The following SNTG1 variants were observed in gnomAD, a reference collection of about 807,000 sequenced individuals.
SNTG1 encodes gamma-1-syntrophin.
Under a neutral mutation model 74.7 loss-of-function variants are expected in SNTG1, and 39 were observed. The ratio of observed to expected loss-of-function variants is 0.52; its 90% CI spans 0.40 to 0.68. SNTG1 has a LOEUF of 0.68. Ranked by LOEUF, SNTG1 falls within the 30% of genes least tolerant of loss-of-function variation. The pLI, the probability that SNTG1 is intolerant of heterozygous loss-of-function variation, is 0.00. For missense variants in SNTG1, 685 were observed against 609.5 expected, an observed-to-expected ratio of 1.12 and a Z score of -1.30; for synonymous variants, 254 against 217.1, an observed-to-expected ratio of 1.17 and a Z score of -1.49.
At chr8:50,272,713 A>G (rs549310750) in intron 2 of SNTG1, among the ~76,000 whole-genome samples, 1 of 152,262 alleles carries the variant, frequency 6.6e-6, no homozygotes, top group South Asian at 2.1e-4. Context: ...ACGATGTATC[A>G]TTTATATCAT....
Position 50,061,863 on chromosome 8 carries a change from T to C in SNTG1, c.-102-110698T>C, listed in dbSNP as rs567886533. Among the ~76,000 whole-genome samples the C allele has an allele frequency of 4.6e-5, 7 of 152,316 alleles. No individual in the cohort carries two copies. In the South Asian group the frequency reaches 1.4e-3, roughly 32 times the overall value. ...ATTCTTTCAAATTTGTTGAGATTTATTTCACGGCTGTGGATGTGGTCATTC... is the reference window on the plus strand; with the variant it reads ...ATTCTTTCAAATTTGTTGAGATTTACTTCACGGCTGTGGATGTGGTCATTC... On this transcript the variant is annotated intron_variant, in intron 1 of 18. Transcript: ENST00000642720.
rs188375225 is a variant in SNTG1, at chr8:50,510,998, C to A, written c.466+8118C>A. The stretch of plus-strand genomic sequence containing the variant: ...TCTCTGGCTTCTCTATTTCTTTTAA[C>A]TGTGATGTTAGGGTGTCAATTTTAG... On this transcript the variant is annotated intron_variant, in intron 9 of 18. Coordinates refer to ENST00000642720, the MANE Select transcript of SNTG1 (RefSeq NM_018967.5). Among the ~76,000 whole-genome samples the A allele has an allele frequency of 7.2e-5, 11 of 152,128 alleles. No homozygotes were observed. In the East Asian group the frequency reaches 1.9e-3, roughly 27 times the overall value.
chr8:50,512,339 G>T (rs993959431), intron 9 of SNTG1, among the ~76,000 whole-genome samples: 5 of 151,614 alleles, frequency 3.3e-5, no homozygotes, highest in Non-Finnish European at 7.4e-5. Context: ...CTCTCTGGCT[G>T]CCCTTAACAT....
At chr8:50,461,122 G>A (rs1232518565) in intron 8 of SNTG1, among the ~76,000 whole-genome samples, 1 of 149,882 alleles carries the variant, frequency 6.7e-6, no homozygotes, top group Non-Finnish European at 1.5e-5. Flanking sequence ...TGGCCAGGTT[G>A]TTTTGTAGAA....
chr8:49,946,430 T>C (rs1809196556), intron 1 of SNTG1, among the ~76,000 whole-genome samples: 9 of 152,200 alleles, frequency 5.9e-5, no homozygotes, highest in Admixed American at 5.9e-4. Flanking sequence ...TGGTGGGATA[T>C]ATACACATAC....
intron 2 of SNTG1, among the ~76,000 whole-genome samples, chr8:50,320,561 T>C (rs901514096): frequency 6.6e-6 from 1 of 152,042 alleles, no homozygotes; most frequent in Non-Finnish European, 1.5e-5. Context: ...CTTTTGTGTT[T>C]GGTGTTCTGT....
At chr8:50,778,277 C>T (rs2095647283) in intron 18 of SNTG1, among the ~76,000 whole-genome samples, 1 of 152,172 alleles carries the variant, frequency 6.6e-6, no homozygotes, top group South Asian at 2.1e-4. Flanking sequence ...GGAATCGCCA[C>T]ACTGACTTCC....
intron 1 of SNTG1, among the ~76,000 whole-genome samples, chr8:49,999,650 G>A (rs965738646): frequency 1.2e-4 from 19 of 152,014 alleles, no homozygotes; most frequent in African/African-American, 4.3e-4. Context: ...TTCCCCCAAT[G>A]TCTGCATGGC....
chr8:50,515,863 G>C (rs902357831), intron 9 of SNTG1, among the ~76,000 whole-genome samples: 1 of 152,098 alleles, frequency 6.6e-6, no homozygotes, highest in East Asian at 1.9e-4. Context: ...GGAAGGGGCG[G>C]CTGTGGGCAC....
intron 11 of SNTG1, among the ~76,000 whole-genome samples, chr8:50,551,379 T>C (rs2094425493): frequency 1.3e-5 from 2 of 152,194 alleles, no homozygotes; most frequent in South Asian, 4.1e-4. Context: ...GTAACATCTA[T>C]AATTACATAG....
Position 50,033,610 on chromosome 8 carries a change from T to G in SNTG1, c.-103+121379T>G, listed in dbSNP as rs188615252. On this transcript the variant is annotated intron_variant, in intron 1 of 18. Coordinates refer to ENST00000642720, the MANE Select transcript of SNTG1 (RefSeq NM_018967.5). ...TGGATTTCCTCTGAAGCCTTTCTTC[T>G]TGGATTGTAGATGGCTGCTTTCTCC... Among the ~76,000 whole-genome samples, 56 of 152,276 alleles carry G rather than the reference T, an allele frequency of 3.7e-4. 1 individual carries two copies. The East Asian group carries it at 0.011, about 29-fold the overall frequency.
intron 15 of SNTG1, among the ~76,000 whole-genome samples, chr8:50,687,735 C>A (rs556138311): frequency 3.0e-4 from 46 of 152,304 alleles, no homozygotes; most frequent in African/African-American, 9.4e-4. Flanking sequence ...CCCCACCCCA[C>A]AACAGTCCAT....
intron 2 of SNTG1, among the ~76,000 whole-genome samples, chr8:50,286,037 T>C (rs2088760418): frequency 6.6e-6 from 1 of 152,192 alleles, no homozygotes; most frequent in Admixed American, 6.5e-5. Flanking sequence ...ACCATTTATT[T>C]TATTCTAACA....
intron 1 of SNTG1, among the ~76,000 whole-genome samples, chr8:49,949,611 G>A (rs561143401): frequency 1.3e-5 from 2 of 152,184 alleles, no homozygotes; most frequent in South Asian, 2.1e-4. Flanking sequence ...TAATGTCTAC[G>A]ATTTTTATAT....
At chr8:50,380,458 AT>A (rs1260962647) in intron 2 of SNTG1, among the ~76,000 whole-genome samples, 1 of 152,192 alleles carries the variant, frequency 6.6e-6, no homozygotes, top group Non-Finnish European at 1.5e-5. Context: ...AATAGATAAC[AT>A]TTTTCTCTTC....
intron 4 of SNTG1, among the ~76,000 whole-genome samples, chr8:50,417,914 A>T (rs2093034420): frequency 6.6e-6 from 1 of 152,048 alleles, no homozygotes; most frequent in South Asian, 2.1e-4. Context: ...ATCTTCAAAG[A>T]CATCGTTCCA....
intron 1 of SNTG1, among the ~76,000 whole-genome samples, chr8:50,159,151 T>C (rs1241312705): frequency 2.0e-5 from 3 of 152,194 alleles, no homozygotes; most frequent in Non-Finnish European, 4.4e-5. Context: ...TATTGGATTA[T>C]TTGACTTTTT....
chr8:50,115,576 A>AC (rs1554580678), intron 1 of SNTG1, among the ~76,000 whole-genome samples: 1 of 82,800 alleles, frequency 1.2e-5, no homozygotes, highest in East Asian at 7.0e-4. Flanking sequence ...TCAAAAAAAA[A>AC]AAAAAAAAAA....
intron 1 of SNTG1, among the ~76,000 whole-genome samples, chr8:50,104,787 A>G (rs1378615932): frequency 2.0e-5 from 3 of 152,180 alleles, no homozygotes; most frequent in Non-Finnish European, 4.4e-5. Context: ...GGTTTCAAAG[A>G]ACATCTTTAT....
Sources: allele counts gnomAD v4.1 joint callset (sites outside exome capture counted in the v4.1 genomes callset), GRCh38; gene constraint gnomAD v4.1.1; transcripts MANE v1.5; gene names NCBI Gene and HGNC (gene_info 2026-07-23, HGNC 2026-07-21).